MED13L: variants seen among roughly 807,000 people sequenced by gnomAD.
MED13L encodes the protein mediator of RNA polymerase II transcription subunit 13-like.
In MED13L, 7 loss-of-function variants were observed where a neutral mutation model predicts 220.9. That is an observed-to-expected ratio of 0.03 (90% confidence interval 0.02 to 0.06). MED13L has a LOEUF of 0.06. Ranked by LOEUF, MED13L falls within the 10% of genes least tolerant of loss-of-function variation. The probability of loss-of-function intolerance (pLI) is 1.00; values close to 1 mark genes in which losing one functional copy is unlikely to be tolerated. For synonymous variants in MED13L, 1,011 were observed against 1,015.2 expected (o/e 1.00, Z 0.08); for missense variants, 1,965 against 2,760.5 (o/e 0.71, Z 6.46).
chr12:116,011,008 C>G (rs1030821862), intron 9 of MED13L, among the ~76,000 whole-genome samples: 1 of 151,744 alleles, frequency 6.6e-6, no homozygotes, highest in Admixed American at 6.6e-5. Context: ...TCCTGAGCAG[C>G]TGGGATTACA....
intron 13 of MED13L, 22 bp downstream of exon 13, chr12:116,005,847 T>C (rs753353417): frequency 1.2e-6 from 2 of 1,613,632 alleles, no homozygotes; most frequent in Admixed American, 1.7e-5. Context: ...AATTTTTGTT[T>C]ATGTAGCTAC....
At chr12:116,049,523 G>C (rs572147904) in intron 4 of MED13L, among the ~76,000 whole-genome samples, 2 of 152,234 alleles carry the variant, frequency 1.3e-5, no homozygotes, top group Non-Finnish European at 2.9e-5. Context: ...AAAAATGATA[G>C]ATGAATCATT....
At chr12:116,232,988 G>A (rs1228045352) in intron 2 of MED13L, among the ~76,000 whole-genome samples, 2 of 151,508 alleles carry the variant, frequency 1.3e-5, no homozygotes, top group African/African-American at 4.8e-5. Context: ...TCAGAAGGCT[G>A]AGGCAGGAGA....
intron 2 of MED13L, among the ~76,000 whole-genome samples, chr12:116,208,606 G>T (rs1392668016): frequency 6.6e-6 from 1 of 152,174 alleles, no homozygotes; most frequent in African/African-American, 2.4e-5. Flanking sequence ...AATAACTCAA[G>T]TAAGATTCAA....
At chr12:116,048,080 A>T (rs1029937434) in intron 4 of MED13L, among the ~76,000 whole-genome samples, 1 of 151,732 alleles carries the variant, frequency 6.6e-6, no homozygotes, top group Admixed American at 6.6e-5. Flanking sequence ...GTGTCGAACT[A>T]CACCATGCCC....
chr12:115,990,899 C>CT (rs985745246), intron 17 of MED13L, 121 bp downstream of exon 17: 64 of 1,059,328 alleles, frequency 6.0e-5, no homozygotes, highest in Non-Finnish European at 7.4e-5. Flanking sequence ...ACTTTAGGTT[C>CT]TTTTTTTTCC....
intron 3 of MED13L, among the ~76,000 whole-genome samples, chr12:116,097,024 C>T (rs543699444): frequency 6.6e-6 from 1 of 152,284 alleles, no homozygotes; most frequent in East Asian, 1.9e-4. Context: ...TCTTACGCTT[C>T]AGAATTACTT....
chr12:116,156,343 C>T (rs924567058), intron 2 of MED13L, among the ~76,000 whole-genome samples: 5 of 123,186 alleles, frequency 4.1e-5, no homozygotes, highest in Non-Finnish European at 8.3e-5. Context: ...TCCAAATTAA[C>T]AAATGAAGGA....
intron 2 of MED13L, among the ~76,000 whole-genome samples, chr12:116,156,567 A>G (rs529227789): frequency 6.6e-6 from 1 of 152,210 alleles, no homozygotes; most frequent in South Asian, 2.1e-4. Flanking sequence ...TCCTTACCAC[A>G]AGTATCAATG....
Position 116,175,806 on chromosome 12 carries a change from A to G in MED13L, c.310+61662T>C, listed in dbSNP as rs148639587. 7.9e-3 allele frequency among the ~76,000 whole-genome samples: 1,209 copies of G among 152,320 alleles called. 18 individuals carry two copies. Among genetic ancestry groups the G allele is most frequent in the African/African-American group, 0.027 (1,129 of 41,570 alleles). On this transcript the variant is annotated intron_variant, in intron 2 of 30. Transcript: ENST00000281928. The stretch of plus-strand genomic sequence containing the variant: ...TCAAACATGGGTAAATAACTGAGAA[A>G]TGATGCCGTTAAACCTTGACAGGAA...
At chr12:116,184,748 T>C (rs1032406353) in intron 2 of MED13L, among the ~76,000 whole-genome samples, 2 of 152,196 alleles carry the variant, frequency 1.3e-5, no homozygotes, top group African/African-American at 2.4e-5. Flanking sequence ...AAATCACATA[T>C]CTAAAAACCA....
At chr12:115,980,077 T>C (rs1877219050) in intron 23 of MED13L, among the ~76,000 whole-genome samples, 1 of 152,176 alleles carries the variant, frequency 6.6e-6, no homozygotes, top group Admixed American at 6.5e-5. Context: ...ACTACAACTG[T>C]TGTCCCAGGA....
intron 9 of MED13L, among the ~76,000 whole-genome samples, chr12:116,011,856 G>A (rs1037592365): frequency 1.3e-5 from 2 of 152,200 alleles, no homozygotes; most frequent in South Asian, 2.1e-4. Context: ...AGAGGAAAAC[G>A]TGTCAAAGCT....
At chr12:115,990,985 C>G (rs1390292370) in intron 17 of MED13L, 35 bp downstream of exon 17, 2 of 1,597,866 alleles carry the variant, frequency 1.3e-6, no homozygotes, top group East Asian at 4.5e-5. Flanking sequence ...TACCAAGATA[C>G]TCCTCAAAGT....
chr12:116,156,855 A>T (rs1000404703), intron 2 of MED13L, among the ~76,000 whole-genome samples: 1 of 152,142 alleles, frequency 6.6e-6, no homozygotes, highest in South Asian at 2.1e-4. Flanking sequence ...TGTGATGTGG[A>T]CACACAATGT....
intron 7 of MED13L, among the ~76,000 whole-genome samples, chr12:116,017,168 C>T (rs557214453): frequency 1.3e-5 from 2 of 152,182 alleles, no homozygotes; most frequent in Non-Finnish European, 2.9e-5. Flanking sequence ...CAAGGCCTAA[C>T]ACAATAGCAT....
intron 30 of MED13L, among the ~76,000 whole-genome samples, chr12:115,963,132 C>G (rs906494095): frequency 2.0e-5 from 3 of 152,204 alleles, no homozygotes; most frequent in African/African-American, 7.2e-5. Flanking sequence ...CCCCCAAGAT[C>G]TGACCTCTCT....
intron 2 of MED13L, among the ~76,000 whole-genome samples, chr12:116,156,589 T>A (rs1161803873): frequency 6.6e-6 from 1 of 152,160 alleles, no homozygotes; most frequent in Non-Finnish European, 1.5e-5. Context: ...ATCAAAGGTA[T>A]AAACTACTAA....
chr12:116,263,720 T>G (rs780831742), intron 1 of MED13L, among the ~76,000 whole-genome samples: 9 of 152,126 alleles, frequency 5.9e-5, no homozygotes, highest in Non-Finnish European at 1.3e-4. Flanking sequence ...ATCCCAAGGC[T>G]CTAAAATGAG....
Sources: allele counts gnomAD v4.1 joint callset (sites outside exome capture counted in the v4.1 genomes callset), GRCh38; gene constraint gnomAD v4.1.1; transcripts MANE v1.5; gene names NCBI Gene and HGNC (gene_info 2026-07-23, HGNC 2026-07-21).